Variants in GAN observed in about 807,000 individuals in gnomAD.
GAN encodes epididymis secretory sperm binding protein.
Under a neutral mutation model 71.3 loss-of-function variants are expected in GAN, and 48 were observed. That is an observed-to-expected ratio of 0.67 (90% CI 0.53 to 0.86). The LOEUF is 0.86. Among genes scored for constraint, GAN ranks in the 40% least tolerant of loss-of-function variants. The probability of loss-of-function intolerance (pLI) is 0.00; values close to 1 mark genes in which losing one functional copy is unlikely to be tolerated. For missense variants in GAN, 928 were observed against 770.1 expected (o/e 1.21, Z -2.43); for synonymous variants, 386 against 276.8 (o/e 1.39, Z -3.92).
intron 1 of GAN, among the ~76,000 whole-genome samples, chr16:81,325,175 C>A (rs556663376): frequency 1.3e-5 from 2 of 152,326 alleles, no homozygotes; most frequent in South Asian, 4.1e-4. Context: ...TAGTGAAATA[C>A]AGAGCTTACT....
chr16:81,369,927 C>A (rs1043765676), intron 9 of GAN, among the ~76,000 whole-genome samples: 1 of 152,224 alleles, frequency 6.6e-6, no homozygotes, highest in Admixed American at 6.5e-5. Flanking sequence ...ATCAGGTGAT[C>A]ATACTGATCC....
In GAN at chr16:81,362,482, T is replaced by G; in HGVS notation, c.974-17T>G. ...AAGACTCACATTTCATATTTGTGTTTCCTTTGATCTTTGCAGAAGGATTTT... is the reference window on the plus strand; with the variant it reads ...AAGACTCACATTTCATATTTGTGTTGCCTTTGATCTTTGCAGAAGGATTTT... On this transcript the variant is annotated splice_polypyrimidine_tract_variant and intron_variant, in intron 5 of 10. Coordinates refer to ENST00000648994, the MANE Select transcript of GAN (RefSeq NM_022041.4). The G allele has an allele frequency of 7.5e-7, 1 of 1,337,532 alleles. No homozygotes were observed. The highest frequency in any genetic ancestry group is 1.1e-6 in the Non-Finnish European group (1 of 927,280). The allele number at this position is 1,337,532 out of a possible 1,614,324, so 82.9% of individuals were successfully genotyped here.
intron 10 of GAN, 34 bp from the exon 11 acceptor site, chr16:81,377,381 C>A (rs1163121802): frequency 3.7e-6 from 6 of 1,604,904 alleles, no homozygotes; most frequent in Admixed American, 1.7e-5. Flanking sequence ...ATTCTGGGTA[C>A]ATTTTCTCAC....
At chr16:81,347,202 C>T (rs1910146011) in intron 1 of GAN, among the ~76,000 whole-genome samples, 3 of 152,164 alleles carry the variant, frequency 2.0e-5, no homozygotes, top group Admixed American at 6.5e-5. Context: ...AATAGATACA[C>T]CTAGACAACA....
chr16:81,318,924 C>T (rs572382436), intron 1 of GAN, among the ~76,000 whole-genome samples: 1 of 152,314 alleles, frequency 6.6e-6, no homozygotes, highest in African/African-American at 2.4e-5. Context: ...AAATGGCATG[C>T]ATGCCCCTTT....
rs1392664617 is a variant in GAN at position 81,386,393 on chromosome 16, T to C, written c.*8797T>C. On this transcript the variant is annotated 3_prime_UTR_variant, in exon 11 of 11. Coordinates refer to ENST00000648994, the MANE Select transcript of GAN (RefSeq NM_022041.4). ...CATGAAACTTAAAAACAAACAAATA[T>C]GTGTTACAAGTACTTGTGTGTACGT... 3 of 152,226 alleles carry C rather than the reference T, an allele frequency of 2.0e-5. No homozygotes were observed. The highest frequency in any genetic ancestry group is 1.9e-4 in the East Asian group (1 of 5,198). The allele number at this position is 152,226 out of a possible 1,614,324, so 9.4% of individuals were successfully genotyped here.
intron 1 of GAN, among the ~76,000 whole-genome samples, chr16:81,345,942 C>A (rs1006690857): frequency 1.3e-5 from 2 of 152,154 alleles, no homozygotes; most frequent in Non-Finnish European, 2.9e-5. Flanking sequence ...CTTCACATGC[C>A]CAGTTCACAA....
intron 1 of GAN, among the ~76,000 whole-genome samples, chr16:81,335,504 T>C (rs11648005): frequency 6.6e-6 from 1 of 151,746 alleles, no homozygotes. Flanking sequence ...CCCAACACTT[T>C]GGGAGACCAA....
At chr16:81,341,040 T>A (rs532048527) in intron 1 of GAN, among the ~76,000 whole-genome samples, 3 of 151,432 alleles carry the variant, frequency 2.0e-5, no homozygotes, top group African/African-American at 2.4e-5. Flanking sequence ...AGAAAGGATA[T>A]CAGTGACTGA....
chr16:81,367,114 C>T (rs930277159), intron 9 of GAN, among the ~76,000 whole-genome samples: 1 of 152,196 alleles, frequency 6.6e-6, no homozygotes, highest in East Asian at 1.9e-4. Flanking sequence ...TGAGCCACCG[C>T]ACCTGGCCTA....
intron 9 of GAN, among the ~76,000 whole-genome samples, chr16:81,366,650 G>T (rs978105368): frequency 2.0e-5 from 3 of 152,136 alleles, no homozygotes; most frequent in Non-Finnish European, 2.9e-5. Flanking sequence ...TAAATTTAGG[G>T]TATTTGCATA....
In GAN at chr16:81,364,078, G is replaced by T. The variant is rs1002967516; in HGVS notation, c.1236+135G>T. The T allele has an allele frequency of 6.4e-6, 5 of 786,328 alleles. No homozygotes were observed. In the African/African-American group the frequency reaches 8.5e-5, roughly 13 times the overall value. 48.7% of individuals were successfully genotyped at this position (786,328 alleles called of 1,614,324 possible). On this transcript the variant is annotated intron_variant, in intron 7 of 10. Transcript: ENST00000648994. ...TTAACTTTATAGAACTCTCTTTATC[G>T]GTAGTTTGCCTTCACTGTCATCAGC...
intron 1 of GAN, among the ~76,000 whole-genome samples, chr16:81,343,158 G>C (rs1030691025): frequency 2.0e-5 from 3 of 152,142 alleles, no homozygotes; most frequent in African/African-American, 7.2e-5. Context: ...CCAAAAAAAA[G>C]TCCAGGACCA....
rs1475314390 is a variant in GAN at position 81,382,023 on chromosome 16, T to C, written c.*4427T>C. On this transcript the variant is annotated 3_prime_UTR_variant, in exon 11 of 11. Transcript: ENST00000648994. ...CCCTCTATAGACTCAGCACAGCTTA[T>C]AATGTTGATCATGTTTAGTATTGGG... 1 of 152,198 alleles carries C rather than the reference T, an allele frequency of 6.6e-6. No homozygotes were observed. The highest frequency in any genetic ancestry group is 1.5e-5 in the Non-Finnish European group (1 of 68,038). 9.4% of individuals were successfully genotyped at this position (152,198 alleles called of 1,614,324 possible).
intron 5 of GAN, among the ~76,000 whole-genome samples, chr16:81,359,136 G>C (rs1447739780): frequency 6.6e-6 from 1 of 152,132 alleles, no homozygotes; most frequent in Non-Finnish European, 1.5e-5. Context: ...GGACAGAGTA[G>C]TATAGCCTGC....
chr16:81,335,900 A>G (rs1393971216), intron 1 of GAN, among the ~76,000 whole-genome samples: 1 of 152,152 alleles, frequency 6.6e-6, no homozygotes, highest in Non-Finnish European at 1.5e-5. Flanking sequence ...GGAAATAGTG[A>G]AGAGTCCAGC....
At chr16:81,341,260 C>T (rs942415655) in intron 1 of GAN, among the ~76,000 whole-genome samples, 1 of 152,122 alleles carries the variant, frequency 6.6e-6, no homozygotes, top group Admixed American at 6.6e-5. Flanking sequence ...CCTAGGGAGG[C>T]AGGCCAACAT....
chr16:81,322,793 A>C (rs918976929), intron 1 of GAN, among the ~76,000 whole-genome samples: 1 of 152,168 alleles, frequency 6.6e-6, no homozygotes, highest in Non-Finnish European at 1.5e-5. Flanking sequence ...ACTGAGCTCA[A>C]AATATTTGCA....
At chr16:81,351,358 T>C (rs1388129909) in intron 1 of GAN, among the ~76,000 whole-genome samples, 1 of 152,204 alleles carries the variant, frequency 6.6e-6, no homozygotes, top group African/African-American at 2.4e-5. Flanking sequence ...TTTGGTCATC[T>C]GTTTTGTTTT....
Sources: allele counts gnomAD v4.1 joint callset (sites outside exome capture counted in the v4.1 genomes callset), GRCh38; gene constraint gnomAD v4.1.1; transcripts MANE v1.5; gene names NCBI Gene and HGNC (gene_info 2026-07-23, HGNC 2026-07-21).